DLGAP2: variants seen among roughly 807,000 people sequenced by gnomAD.
DLGAP2 encodes the protein disks large-associated protein 2.
In DLGAP2, 26 loss-of-function variants were observed where a neutral mutation model predicts 100.3. The ratio of observed to expected loss-of-function variants is 0.26; its 90% CI spans 0.19 to 0.36. The LOEUF is 0.36. DLGAP2 is among the 10% of genes least tolerant of loss of function. The pLI is 1.00. For missense variants in DLGAP2, 1,858 were observed against 1,453.2 expected (o/e 1.28, Z -4.53); for synonymous variants, 886 against 630.1 (o/e 1.41, Z -6.08).
chr8:1,352,147 T>C (rs868054617), intron 3 of DLGAP2, among the ~76,000 whole-genome samples: 5 of 88,066 alleles, frequency 5.7e-5, no homozygotes, highest in South Asian at 5.3e-4. Context: ...CCTGACTGTG[T>C]GTGGAAAGGC....
chr8:1,201,733 C>G (rs1554502054), intron 2 of DLGAP2, among the ~76,000 whole-genome samples: 1 of 152,222 alleles, frequency 6.6e-6, no homozygotes. Flanking sequence ...GCACATTTCC[C>G]TGTGAGGGGC....
At chr8:1,038,848 G>A (rs1802210063) in intron 2 of DLGAP2, among the ~76,000 whole-genome samples, 1 of 152,134 alleles carries the variant, frequency 6.6e-6, no homozygotes, top group African/African-American at 2.4e-5. Flanking sequence ...GGAAAATCAA[G>A]TTGTGTGAGG....
chr8:802,993 C>G (rs974020854), intron 1 of DLGAP2, among the ~76,000 whole-genome samples: 7 of 152,206 alleles, frequency 4.6e-5, no homozygotes, highest in Admixed American at 6.5e-5. Context: ...GTAGGCATTT[C>G]TTGGGACCTT....
At chr8:1,022,521 A>C (rs1801656536) in intron 2 of DLGAP2, among the ~76,000 whole-genome samples, 1 of 144,582 alleles carries the variant, frequency 6.9e-6, no homozygotes, top group Non-Finnish European at 1.5e-5. Context: ...TAGACACTCC[A>C]GCCGCCACCC....
At chr8:1,298,361 A>G (rs1460059296) in intron 3 of DLGAP2, among the ~76,000 whole-genome samples, 1 of 152,174 alleles carries the variant, frequency 6.6e-6, no homozygotes, top group Non-Finnish European at 1.5e-5. Context: ...GTCCTTCCAC[A>G]TGATGGCCCC....
chr8:1,112,163 T>C (rs572032868), intron 2 of DLGAP2, among the ~76,000 whole-genome samples: 3 of 152,274 alleles, frequency 2.0e-5, no homozygotes, highest in East Asian at 1.9e-4. Context: ...TGATAAATGA[T>C]ATTTAAGTTT....
intron 2 of DLGAP2, among the ~76,000 whole-genome samples, chr8:947,193 C>T (rs1799348143): frequency 6.6e-6 from 1 of 152,168 alleles, no homozygotes; most frequent in South Asian, 2.1e-4. Flanking sequence ...ACTGTAAGAA[C>T]AACCCAGGAG....
chr8:961,282 C>G (rs1301034573), intron 2 of DLGAP2, among the ~76,000 whole-genome samples: 3 of 152,172 alleles, frequency 2.0e-5, no homozygotes, highest in East Asian at 3.8e-4. Flanking sequence ...TCAGTCATTC[C>G]AGAACTGTGT....
intron 1 of DLGAP2, among the ~76,000 whole-genome samples, chr8:836,515 C>G (rs1796878887): frequency 6.6e-6 from 1 of 152,206 alleles, no homozygotes; most frequent in Non-Finnish European, 1.5e-5. Flanking sequence ...CGTTCGAGGC[C>G]TGGCAGGTGC....
intron 2 of DLGAP2, among the ~76,000 whole-genome samples, chr8:978,499 T>C (rs1469877544): frequency 3.4e-5 from 3 of 88,004 alleles, no homozygotes; most frequent in Non-Finnish European, 7.6e-5. Flanking sequence ...TGCTGGGTTC[T>C]GGTCTTTGGT....
chr8:1,351,777 G>C (rs1357525893), intron 3 of DLGAP2, among the ~76,000 whole-genome samples: 4 of 74,964 alleles, frequency 5.3e-5, no homozygotes, highest in African/African-American at 1.3e-4. Context: ...AGGCCGTGCG[G>C]GTCCTGACTG....
At chr8:777,846 G>A (rs1306450051) in intron 1 of DLGAP2, among the ~76,000 whole-genome samples, 2 of 151,976 alleles carry the variant, frequency 1.3e-5, no homozygotes, top group Admixed American at 6.6e-5. Context: ...TGCTCTTCTC[G>A]AGGAGTATCT....
chr8:912,452 C>A (rs768199535), intron 2 of DLGAP2, among the ~76,000 whole-genome samples: 7 of 152,192 alleles, frequency 4.6e-5, no homozygotes, highest in African/African-American at 7.2e-5. Flanking sequence ...AACTGACTTT[C>A]CGATGCTGAG....
chr8:1,198,176 G>T, intron 2 of DLGAP2, among the ~76,000 whole-genome samples: 1 of 152,092 alleles, frequency 6.6e-6, no homozygotes, highest in East Asian at 1.9e-4. Flanking sequence ...GTGTGGTGCT[G>T]GGCTATGCTG....
chr8:1,266,906 C>T (rs756969272), intron 3 of DLGAP2, among the ~76,000 whole-genome samples: 1 of 151,932 alleles, frequency 6.6e-6, no homozygotes, highest in Admixed American at 6.6e-5. Context: ...GATGCACACT[C>T]AGTGGGGAGA....
At chr8:1,514,425 T>C (rs1419554486) in intron 4 of DLGAP2, among the ~76,000 whole-genome samples, 1 of 152,252 alleles carries the variant, frequency 6.6e-6, no homozygotes, top group African/African-American at 2.4e-5. Context: ...TTTTAAAACT[T>C]AATGAAATTG....
intron 4 of DLGAP2, among the ~76,000 whole-genome samples, chr8:1,520,761 C>T (rs1197041326): frequency 1.3e-5 from 2 of 152,184 alleles, no homozygotes; most frequent in Non-Finnish European, 2.9e-5. Context: ...ACGGTTTACT[C>T]ACCTCCTGAA....
chr8:1,034,575 G>A lies in DLGAP2; in HGVS notation c.73+126609G>A, dbSNP rs1202694990. Among the ~76,000 whole-genome samples the A allele has an allele frequency of 4.7e-5, 4 of 84,852 alleles. No individual in the cohort carries two copies. The East Asian group carries it at 1.4e-3, about 29-fold the overall frequency. 55.7% of individuals were successfully genotyped at this position (84,852 alleles called of 152,430 possible). ...GCGAGTGGACTCACACGCTCATCCCGACCCCGCGTGTCACCGCGAGTGGGT... is the reference window on the plus strand; with the variant it reads ...GCGAGTGGACTCACACGCTCATCCCAACCCCGCGTGTCACCGCGAGTGGGT... On this transcript the variant is annotated intron_variant, in intron 2 of 14. Coordinates refer to ENST00000637795, the MANE Select transcript of DLGAP2 (RefSeq NM_001346810.2).
At chr8:1,420,246 G>A (rs956697522) in intron 3 of DLGAP2, among the ~76,000 whole-genome samples, 2 of 152,140 alleles carry the variant, frequency 1.3e-5, no homozygotes, top group African/African-American at 2.4e-5. Context: ...GTGGTTGAAG[G>A]GCTGGCTGGG....
Sources: allele counts gnomAD v4.1 joint callset (sites outside exome capture counted in the v4.1 genomes callset), GRCh38; gene constraint gnomAD v4.1.1; transcripts MANE v1.5; gene names NCBI Gene and HGNC (gene_info 2026-07-23, HGNC 2026-07-21).